Variants in ARHGEF16 observed in about 807,000 individuals in gnomAD.
The protein encoded by ARHGEF16 is Rho guanine exchange factor (GEF) 16.
Under a neutral mutation model 74.1 loss-of-function variants are expected in ARHGEF16, and 59 were observed. The observed-to-expected ratio is 0.80, with a 90% confidence interval of 0.65 to 0.99. The LOEUF is 0.99. Among genes scored for constraint, ARHGEF16 ranks in the 50% least tolerant of loss-of-function variants. The pLI, the probability that ARHGEF16 is intolerant of heterozygous loss-of-function variation, is 0.00. For synonymous variants in ARHGEF16, 415 were observed against 412.6 expected (o/e 1.01, Z -0.07); for missense variants, 948 against 986.6 (o/e 0.96, Z 0.52).
rs189377894 is a variant in ARHGEF16, at chr1:3,465,880, C to G, written c.589-268C>G. 4.5e-4 allele frequency: 216 copies of G among 477,694 alleles called. 5 individuals are homozygous for G. In the South Asian group the frequency reaches 5.4e-3, roughly 12 times the overall value. The allele number at this position is 477,694 out of a possible 1,614,324, so 29.6% of individuals were successfully genotyped here. On this transcript the variant is annotated intron_variant, in intron 2 of 14. Coordinates refer to ENST00000378378, the MANE Select transcript of ARHGEF16 (RefSeq NM_014448.4). ...TCACCTGCCCTGCCACGGGCCTGCT[C>G]GAAACTCTTCTGAGCGTCCCCTCAC...
chr1:3,480,356 C>T, intron 14 of ARHGEF16, 92 bp from the exon 15 acceptor site: 1 of 1,541,642 alleles, frequency 6.5e-7, no homozygotes, highest in Non-Finnish European at 8.8e-7. Flanking sequence ...TAGGAGAAGC[C>T]TGGCCCTGGT....
intron 1 of ARHGEF16, among the ~76,000 whole-genome samples, chr1:3,460,967 G>A (rs1157137463): frequency 6.6e-6 from 1 of 152,116 alleles, no homozygotes; most frequent in Non-Finnish European, 1.5e-5. Context: ...CAGGTGCCCT[G>A]TGGACACTCC....
At chr1:3,467,486 G>T in intron 4 of ARHGEF16, 149 bp downstream of exon 4, 1 of 970,596 alleles carries the variant, frequency 1.0e-6, no homozygotes, top group South Asian at 1.7e-5. Flanking sequence ...GAAGCCCCTC[G>T]GCTGTGGGTG....
intron 8 of ARHGEF16, 79 bp from the exon 9 acceptor site, chr1:3,474,629 C>G: frequency 7.2e-7 from 1 of 1,383,656 alleles, no homozygotes; most frequent in Non-Finnish European, 1.0e-6. Context: ...CAGCCCCACA[C>G]GGGGTCTGGC....
chr1:3,463,486 C>A lies in ARHGEF16; in HGVS notation c.402C>A (p.Asp134Glu). 6.6e-7 allele frequency: 1 copy of A among 1,520,112 alleles called. No individual in the cohort carries two copies. The highest frequency in any genetic ancestry group is 2.2e-5 in the Admixed American group (1 of 46,248). The allele number at this position is 1,520,112 out of a possible 1,614,324, so 94.2% of individuals were successfully genotyped here. A position where few individuals can be genotyped will look rare whatever the true frequency, so the allele number is the denominator to read the frequency against. ...LLPAPSFSLDDMDVDKDPGGM... is the reference protein window; with the variant it reads ...LLPAPSFSLDEMDVDKDPGGM... ...CAGCCCCCAGCTTCTCCCTGGATGA[C>A]ATGGACGTGGACAAGGACCCCGGGG... The change falls in exon 2 of 15, where the codon GAC (aspartate) becomes GAA (glutamate). Residue 134 changes from aspartate to glutamate, a missense_variant. Asp to Glu is a conservative substitution (Grantham distance 45). Transcript: ENST00000378378.
At position 3,467,853 on chromosome 1, in the gene ARHGEF16, A is replaced by C. The variant is rs144631732; in HGVS notation, c.804+516A>C. Among the ~76,000 whole-genome samples the C allele has an allele frequency of 8.6e-3, 1,308 of 152,190 alleles. 10 individuals carry two copies. The highest frequency in any genetic ancestry group is 0.014 in the Non-Finnish European group (962 of 67,962). On this transcript the variant is annotated intron_variant, in intron 4 of 14. Transcript: ENST00000378378. The stretch of plus-strand genomic sequence containing the variant: ...CTGCTCCTACCCCAGGTGGACCGGC[A>C]TGTGACCCGCACCCTGAGGCCCAAG...
intron 8 of ARHGEF16, chr1:3,473,988 AGGG>A: frequency 4.0e-6 from 1 of 247,800 alleles, no homozygotes; most frequent in South Asian, 5.5e-5. Context: ...AGGGTATATG[AGGG>A]TGAAAGGTGT....
chr1:3,480,045 C>T (rs881978), intron 14 of ARHGEF16, 132 bp downstream of exon 14: 690,249 of 839,680 alleles, frequency 0.82, 290,675 homozygotes, highest in South Asian at 0.87. Flanking sequence ...CGAGGGCTTC[C>T]TCAAAGGGAG....
intron 6 of ARHGEF16, among the ~76,000 whole-genome samples, chr1:3,470,078 G>A (rs1307933602): frequency 2.0e-5 from 3 of 152,182 alleles, no homozygotes; most frequent in South Asian, 2.1e-4. Context: ...AGCCATGCAC[G>A]GGGGTATGTG....
Position 3,467,249 on chromosome 1 carries a change from C to G in ARHGEF16, c.716C>G (p.Ser239Cys). The part of the protein sequence containing the change: ...ESDDDILDES[S>C]SPEGTQKVDA... ...GATGACGACATCCTCGATGAGTCCT[C>G]CAGCCCCGAGGGAACCCAGAAGGTG... Residue 239 changes from serine to cysteine, a missense_variant, in exon 4 of 15, where the codon TCC (serine) becomes TGC (cysteine). Transcript: ENST00000378378. 6.4e-7 allele frequency: 1 copy of G among 1,550,532 alleles called. No homozygotes were observed. Among genetic ancestry groups the G allele is most frequent in the Non-Finnish European group, 8.7e-7 (1 of 1,146,888 alleles).
Position 3,473,205 on chromosome 1 carries a change from C to T in ARHGEF16, c.1150C>T (p.Gln384Ter), listed in dbSNP as rs1639785397. The change falls in exon 7 of 15, where the codon CAA becomes TAA. Residue 384 changes from glutamine to a stop codon, truncating the protein, a stop_gained. Coordinates refer to ENST00000378378, the MANE Select transcript of ARHGEF16 (RefSeq NM_014448.4). LOFTEE classifies it high-confidence loss of function. ...YIAYCSNEVY[Q>*]QRTLQKLISS... ...CGCCTACTGCTCCAACGAGGTCTAC[C>T]AACAGCGCACGCTGCAGAAGCTGAT... 6.2e-7 allele frequency: 1 copy of T among 1,613,244 alleles called. No homozygotes were observed. The highest frequency in any genetic ancestry group is 2.2e-5 in the East Asian group (1 of 44,880).
intron 4 of ARHGEF16, 108 bp downstream of exon 4, chr1:3,467,445 G>T (rs563005561): frequency 7.6e-7 from 1 of 1,316,150 alleles, no homozygotes; most frequent in South Asian, 1.5e-5. Context: ...CAGCAGCCCA[G>T]TCCTCCCAGG....
At chr1:3,459,512 G>A (rs1639343635) in intron 1 of ARHGEF16, among the ~76,000 whole-genome samples, 1 of 152,186 alleles carries the variant, frequency 6.6e-6, no homozygotes, top group African/African-American at 2.4e-5. Context: ...GTCCTTCAGG[G>A]CAATGAGGGC....
chr1:3,465,937 A>C (rs1388292790), intron 2 of ARHGEF16: 1 of 580,906 alleles, frequency 1.7e-6, no homozygotes, highest in East Asian at 3.1e-5. Flanking sequence ...TCCTCCAAGC[A>C]GCCCTCAGTC....
chr1:3,462,999 G>A (rs1557687298), intron 1 of ARHGEF16, 67 bp from the exon 2 acceptor site: 1 of 1,162,968 alleles, frequency 8.6e-7, no homozygotes, highest in African/African-American at 1.6e-5. Context: ...AAAGGGGTAG[G>A]GGGGTGGACA....
intron 1 of ARHGEF16, among the ~76,000 whole-genome samples, chr1:3,457,184 C>T (rs1042794784): frequency 2.6e-5 from 4 of 152,234 alleles, no homozygotes; most frequent in African/African-American, 9.6e-5. Context: ...AGCAAGTCCT[C>T]CCCCCGATTA....
chr1:3,471,791 G>A, intron 6 of ARHGEF16: 1 of 1,097,414 alleles, frequency 9.1e-7, no homozygotes, highest in Non-Finnish European at 1.1e-6. Flanking sequence ...CGCTATTTGG[G>A]GTAAGCGGCT....
In ARHGEF16 at chr1:3,471,715, G is replaced by A. The variant is rs756707027; in HGVS notation, c.1023-1363G>A. On this transcript the variant is annotated intron_variant, in intron 6 of 14. Transcript: ENST00000378378. ...TTGCTGCCCTGGGGCGGGAAGCTCC[G>A]GCCTCCTCCCCCAGCTGGGCCCCCG... 26 of 1,225,666 alleles carry A rather than the reference G, an allele frequency of 2.1e-5. No individual in the cohort carries two copies. The South Asian group carries it at 2.8e-4, about 13-fold the overall frequency. 75.9% of individuals were successfully genotyped at this position (1,225,666 alleles called of 1,614,324 possible).
intron 3 of ARHGEF16, 137 bp downstream of exon 3, chr1:3,466,330 C>T: frequency 1.1e-6 from 1 of 933,420 alleles, no homozygotes; most frequent in South Asian, 1.7e-5. Context: ...CTTCCAGAGG[C>T]TGAGGTCCCA....
Sources: gnomAD v4.1 joint callset for allele counts (sites outside exome capture counted in the v4.1 genomes callset) on GRCh38, gnomAD v4.1.1 for gene constraint, MANE v1.5 for transcripts, NCBI Gene and HGNC (gene_info 2026-07-23, HGNC 2026-07-21) for gene names.